ATAD3B: variants seen among roughly 807,000 people sequenced by gnomAD.
ATAD3B encodes ATPase family AAA domain-containing protein 3B.
A neutral mutation model predicts 70.2 loss-of-function variants in ATAD3B; 59 were observed. That is an observed-to-expected ratio of 0.84 (90% CI 0.68 to 1.04). ATAD3B has a LOEUF of 1.04. Among genes scored for constraint, ATAD3B ranks in the 50% least tolerant of loss-of-function variants. The pLI, the probability that ATAD3B is intolerant of heterozygous loss-of-function variation, is 0.00. For synonymous variants in ATAD3B, 423 were observed against 388.6 expected, an observed-to-expected ratio of 1.09 and a Z score of -1.04; for missense variants, 961 against 913.4, an observed-to-expected ratio of 1.05 and a Z score of -0.67.
rs1640176960 is a variant in ATAD3B at position 1,485,786 on chromosome 1, G to C, written c.911G>C (p.Ser304Thr). 1 of 1,613,050 alleles carries C rather than the reference G, an allele frequency of 6.2e-7. No individual in the cohort carries two copies. Among genetic ancestry groups the C allele is most frequent in the African/African-American group, 1.3e-5 (1 of 74,960 alleles). ...CTTCCCCTTCCCCTCCGGCAGGTCA[G>C]CCGGCGGCTCCTCAGTCGACCCCAG... The part of the protein sequence containing the change: ...LEALRHPIQV[S>T]RRLLSRPQDV... The change falls in exon 9 of 16, where the codon AGC (serine) becomes ACC (threonine). Residue 304 changes from serine to threonine, a missense_variant. Physicochemically the swap from Ser to Thr is moderately conservative, Grantham distance 58. Coordinates refer to ENST00000673477, the MANE Select transcript of ATAD3B (RefSeq NM_031921.6).
intron 2 of ATAD3B, 163 bp from the exon 3 acceptor site, chr1:1,478,481 G>C (rs1639715565): frequency 1.3e-6 from 2 of 1,547,762 alleles, no homozygotes; most frequent in Admixed American, 3.9e-5. Context: ...ATTCCTCCAG[G>C]GCCTGATCCT....
chr1:1,508,091 A>G, the ATAD3B span, among the ~76,000 whole-genome samples: 1 of 152,050 alleles, frequency 6.6e-6, no homozygotes, highest in Non-Finnish European at 1.5e-5. Flanking sequence ...AGGTGCAGCC[A>G]CTCGGGTGGA....
At chr1:1,489,366 G>A in intron 13 of ATAD3B, 92 bp downstream of exon 13, 1 of 1,591,156 alleles carries the variant, frequency 6.3e-7, no homozygotes, top group South Asian at 1.1e-5. Context: ...CACAGTGCTG[G>A]GCACCAGCTG....
chr1:1,474,971 T>TTGAAACTTCTCC, intron 1 of ATAD3B, among the ~76,000 whole-genome samples: 1 of 149,274 alleles, frequency 6.7e-6, no homozygotes, highest in Non-Finnish European at 1.5e-5. Flanking sequence ...CACTTAGAGA[T>TTGAAACTTCTCC]TGAAACTTCT....
chr1:1,482,086 G>A, intron 5 of ATAD3B, 52 bp from the exon 6 acceptor site: 1 of 1,577,826 alleles, frequency 6.3e-7, no homozygotes, highest in Non-Finnish European at 8.6e-7. Context: ...TGTGGGTGGA[G>A]GTGGACGTGC....
At chr1:1,484,324 G>C (rs1403150637) in intron 7 of ATAD3B, 1 of 151,936 alleles carries the variant, frequency 6.6e-6, no homozygotes, top group Non-Finnish European at 1.5e-5. Flanking sequence ...GGGACTACAG[G>C]TGTCTGTCGC....
downstream of ATAD3B, among the ~76,000 whole-genome samples, chr1:1,500,415 G>A (rs1182984570): frequency 6.7e-6 from 1 of 148,730 alleles, no homozygotes; most frequent in Non-Finnish European, 1.5e-5. Context: ...AGCCGGGCGT[G>A]GTGGCGGGCA....
intron 15 of ATAD3B, among the ~76,000 whole-genome samples, chr1:1,494,395 T>C (rs1354649529): frequency 6.6e-6 from 1 of 151,664 alleles, no homozygotes; most frequent in Non-Finnish European, 1.5e-5. Flanking sequence ...CCAAAAATGA[T>C]GTTGAGCAGT....
At chr1:1,489,534 C>T (rs1640415649) in intron 13 of ATAD3B, 1 of 988,472 alleles carries the variant, frequency 1.0e-6, no homozygotes, top group Non-Finnish European at 1.5e-6. Flanking sequence ...GCAGGTCCCT[C>T]TGCCCCTAGA....
At chr1:1,474,393 T>C (rs1345890310) in intron 1 of ATAD3B, among the ~76,000 whole-genome samples, 6 of 150,492 alleles carry the variant, frequency 4.0e-5, no homozygotes, top group South Asian at 4.2e-4. Context: ...GTTTTCACCA[T>C]GTTAGCCAGA....
the ATAD3B span, among the ~76,000 whole-genome samples, chr1:1,508,263 C>T: frequency 6.6e-6 from 1 of 151,456 alleles, no homozygotes; most frequent in African/African-American, 2.5e-5. Flanking sequence ...CAGCTCCGGT[C>T]AGTGTCTCCC....
chr1:1,486,590 G>T lies in ATAD3B; in HGVS notation c.1136G>T (p.Gly379Val), dbSNP rs1181630787. ...SGMDYAIMTG[G>V]DVAPMGREGV... Reference sequence around the variant, plus strand: ...ATGGACTACGCCATCATGACAGGCGGGGACGTGGCCCCCATGGGGCGGGAA... The same window carrying T: ...ATGGACTACGCCATCATGACAGGCGTGGACGTGGCCCCCATGGGGCGGGAA... The change falls in exon 11 of 16, where the codon GGG (glycine) becomes GTG (valine). Residue 379 changes from glycine to valine, a missense_variant. By Grantham distance (109) the Gly-to-Val change is moderately radical. Transcript: ENST00000673477. 6.8e-6 allele frequency: 11 copies of T among 1,611,542 alleles called. No homozygotes were observed. The South Asian group carries it at 1.1e-4, about 16-fold the overall frequency.
the ATAD3B span, chr1:1,503,705 G>T: frequency 4.4e-6 from 7 of 1,604,954 alleles, no homozygotes; most frequent in Admixed American, 1.2e-4. Context: ...GCGCACATGG[G>T]GTTCGGGCAT....
At chr1:1,509,367 A>G in the ATAD3B span, 1 of 1,608,056 alleles carries the variant, frequency 6.2e-7, no homozygotes, top group Non-Finnish European at 8.5e-7. Flanking sequence ...TGGGGAGACC[A>G]CACCTCACGG....
chr1:1,477,466 G>C, intron 2 of ATAD3B, 116 bp downstream of exon 2: 1 of 1,521,132 alleles, frequency 6.6e-7, no homozygotes, highest in Admixed American at 1.9e-5. Context: ...GCAGCAGTGG[G>C]GCCAGGGCCG....
At chr1:1,490,011 C>G in intron 13 of ATAD3B, 2 of 1,355,152 alleles carry the variant, frequency 1.5e-6, no homozygotes, top group Non-Finnish European at 1.9e-6. Flanking sequence ...CGAGGGTCAG[C>G]GGGGAAGTAC....
chr1:1,483,058 G>A (rs1640008098), intron 7 of ATAD3B: 1 of 455,272 alleles, frequency 2.2e-6, no homozygotes, highest in Admixed American at 2.4e-5. Context: ...ATTTTCGGAG[G>A]CGGAGGTGGG....
At chr1:1,506,214 G>A in the ATAD3B span, among the ~76,000 whole-genome samples, 1 of 152,056 alleles carries the variant, frequency 6.6e-6, no homozygotes, top group African/African-American at 2.4e-5. Context: ...CAGCCTGGGT[G>A]ACAGAGTGAG....
intron 7 of ATAD3B, chr1:1,482,992 C>T: frequency 6.4e-6 from 3 of 465,604 alleles, no homozygotes; most frequent in Admixed American, 4.7e-5. Flanking sequence ...GAGAATAAGA[C>T]CTTGTCTCAA....
Sources: gnomAD v4.1 joint callset for allele counts (sites outside exome capture counted in the v4.1 genomes callset) on GRCh38, gnomAD v4.1.1 for gene constraint, MANE v1.5 for transcripts, NCBI Gene and HGNC (gene_info 2026-07-23, HGNC 2026-07-21) for gene names.